LRP1B: variants seen among roughly 807,000 people sequenced by gnomAD.
The protein encoded by LRP1B is low-density lipoprotein receptor-related protein 1B.
In LRP1B, 217 loss-of-function variants were observed where a neutral mutation model predicts 556.6. The observed-to-expected ratio is 0.39, with a 90% confidence interval of 0.35 to 0.44. The LOEUF is 0.44. Ranked by LOEUF, LRP1B falls within the 20% of genes least tolerant of loss-of-function variation. LRP1B has a pLI of 1.00. For missense variants in LRP1B, 5,053 were observed against 5,620.8 expected (o/e 0.90, Z 3.23); for synonymous variants, 2,047 against 1,865.8 (o/e 1.10, Z -2.50).
At chr2:140,938,381 A>G (rs1695293009) in intron 20 of LRP1B, among the ~76,000 whole-genome samples, 1 of 152,074 alleles carries the variant, frequency 6.6e-6, no homozygotes, top group Non-Finnish European at 1.5e-5. Flanking sequence ...AGACAGACAG[A>G]CTTATTGTAA....
intron 35 of LRP1B, among the ~76,000 whole-genome samples, chr2:140,752,412 C>T (rs1347979162): frequency 1.3e-5 from 2 of 151,358 alleles, no homozygotes; most frequent in African/African-American, 2.4e-5. Context: ...GCAAACTTCA[C>T]CTCCCAGATT....
At position 141,701,517 on chromosome 2, in the gene LRP1B, C is replaced by T. The variant is rs370163792; in HGVS notation, c.205+108762G>A. On this transcript the variant is annotated intron_variant, in intron 2 of 90. Coordinates refer to ENST00000389484, the MANE Select transcript of LRP1B (RefSeq NM_018557.3). Reference sequence around the variant, plus strand: ...CAGCATATCTGGGTTCACATCTTGACGCCATTACTTATAATCTAGATGTCC... The same window carrying T: ...CAGCATATCTGGGTTCACATCTTGATGCCATTACTTATAATCTAGATGTCC... Among the ~76,000 whole-genome samples the T allele has an allele frequency of 1.5e-4, 23 of 151,822 alleles. No homozygotes were observed. The East Asian group carries it at 2.3e-3, about 15-fold the overall frequency.
intron 1 of LRP1B, among the ~76,000 whole-genome samples, chr2:142,064,093 C>G (rs185041479): frequency 6.6e-6 from 1 of 151,468 alleles, no homozygotes; most frequent in South Asian, 2.1e-4. Flanking sequence ...TCTAGTAAAT[C>G]CAAATTATTA....
At chr2:141,714,504 G>A (rs1216634087) in intron 2 of LRP1B, among the ~76,000 whole-genome samples, 1 of 138,654 alleles carries the variant, frequency 7.2e-6, no homozygotes, top group African/African-American at 2.7e-5. Context: ...GGTTTTGGAA[G>A]TTCATATTAA....
rs1218505627 is a variant in LRP1B at position 141,059,019 on chromosome 2, A to T, written c.1272T>A (p.Asp424Glu). 2.5e-6 allele frequency: 4 copies of T among 1,585,732 alleles called. No individual in the cohort carries two copies. The highest frequency in any genetic ancestry group is 3.4e-6 in the Non-Finnish European group (4 of 1,164,238). ...RHLYGITVFE[D>E]YLYATNSDNY... is the part of the protein sequence containing the mutation. ...TATCAGAATTGGTTGCATACAAATAATCTTCAAACACAGTTATACCATAAA... is the reference window on the plus strand; with the variant it reads ...TATCAGAATTGGTTGCATACAAATATTCTTCAAACACAGTTATACCATAAA... The change falls in exon 9 of 91, where the codon GAT (aspartate) becomes GAA (glutamate). Residue 424 changes from aspartate to glutamate, a missense_variant. Around this residue, in one of 5 missense-constraint regions of LRP1B, gnomAD observed 3,619 missense variants for 3,931.9 expected, o/e 0.92. Coordinates refer to ENST00000389484, the MANE Select transcript of LRP1B (RefSeq NM_018557.3).
chr2:140,396,491 C>T (rs966329970), intron 66 of LRP1B, among the ~76,000 whole-genome samples: 2 of 152,012 alleles, frequency 1.3e-5, no homozygotes, highest in Non-Finnish European at 2.9e-5. Flanking sequence ...AAGTTAAAGG[C>T]GGAACTTGAT....
chr2:141,121,676 A>C (rs1701052671), intron 7 of LRP1B, among the ~76,000 whole-genome samples: 1 of 152,188 alleles, frequency 6.6e-6, no homozygotes, highest in Non-Finnish European at 1.5e-5. Context: ...CATACTGCCC[A>C]AGGTAATTTA....
Position 140,379,947 on chromosome 2 carries a change from G to A in LRP1B, c.10532-1661C>T, listed in dbSNP as rs144571199. The stretch of plus-strand genomic sequence containing the variant: ...AAATTTCCCTTTTTGTTTATATAAG[G>A]TATTCACATAGATTATGCTTTAATC... On this transcript the variant is annotated intron_variant, in intron 67 of 90. Transcript: ENST00000389484. Among the ~76,000 whole-genome samples the A allele has an allele frequency of 3.8e-4, 58 of 151,924 alleles. 1 individual carries two copies. The highest frequency in any genetic ancestry group is 6.8e-3 in the Middle Eastern group (2 of 294).
chr2:140,301,137 T>G (rs1287564026), intron 83 of LRP1B, among the ~76,000 whole-genome samples: 1 of 152,128 alleles, frequency 6.6e-6, no homozygotes, highest in Non-Finnish European at 1.5e-5. Context: ...TTTTTAGACT[T>G]TGAAGAATGA....
chr2:142,047,201 T>A (rs181526506), intron 1 of LRP1B, among the ~76,000 whole-genome samples: 13 of 152,048 alleles, frequency 8.5e-5, no homozygotes, highest in Non-Finnish European at 1.6e-4. Context: ...CATGGTAGTA[T>A]ATGGAAATGG....
intron 2 of LRP1B, among the ~76,000 whole-genome samples, chr2:141,576,805 T>G (rs1686767876): frequency 6.8e-6 from 1 of 148,032 alleles, no homozygotes; most frequent in African/African-American, 2.5e-5. Flanking sequence ...ACATTAATAC[T>G]CAGGTCTTTT....
At chr2:140,897,924 A>C (rs1308879694) in intron 23 of LRP1B, among the ~76,000 whole-genome samples, 1 of 152,100 alleles carries the variant, frequency 6.6e-6, no homozygotes, top group African/African-American at 2.4e-5. Context: ...TGATTGTGTG[A>C]GTCTGTTCTC....
intron 50 of LRP1B, 119 bp from the exon 51 acceptor site, chr2:140,514,891 C>T (rs1689824329): frequency 1.1e-6 from 1 of 928,138 alleles, no homozygotes; most frequent in Non-Finnish European, 1.5e-6. Context: ...ATAAAAGAAG[C>T]CAACTTCTTC....
chr2:140,674,062 C>A (rs769951325), intron 41 of LRP1B, among the ~76,000 whole-genome samples: 8 of 151,782 alleles, frequency 5.3e-5, no homozygotes, highest in Non-Finnish European at 1.2e-4. Flanking sequence ...GATTCTCCTG[C>A]CTCAGCCCCC....
At chr2:141,221,724 T>C (rs1244322986) in intron 6 of LRP1B, among the ~76,000 whole-genome samples, 1 of 152,128 alleles carries the variant, frequency 6.6e-6, no homozygotes, top group African/African-American at 2.4e-5. Flanking sequence ...CATTACCAAC[T>C]GTATCTTAGA....
At chr2:140,356,576 G>A (rs2105131094) in intron 74 of LRP1B, 100 bp from the exon 75 acceptor site, 1 of 772,656 alleles carries the variant, frequency 1.3e-6, no homozygotes, top group African/African-American at 1.8e-5. Flanking sequence ...TTATTCCACA[G>A]ATAACTCTTT....
chr2:141,882,365 A>C (rs1383250978), intron 1 of LRP1B, among the ~76,000 whole-genome samples: 3 of 152,158 alleles, frequency 2.0e-5, no homozygotes. Context: ...TTACGACAAC[A>C]GAACATTAAA....
chr2:140,898,391 G>A (rs1453235865), intron 23 of LRP1B: 1 of 161,718 alleles, frequency 6.2e-6, no homozygotes, highest in Non-Finnish European at 1.3e-5. Context: ...TGGCAGCTGA[G>A]CCATAGCAGG....
At chr2:141,006,388 C>G (rs1232242840) in intron 14 of LRP1B, among the ~76,000 whole-genome samples, 1 of 152,008 alleles carries the variant, frequency 6.6e-6, no homozygotes, top group Non-Finnish European at 1.5e-5. Flanking sequence ...CTCCTCCTAT[C>G]TAGCTGTAAC....
Sources: allele counts gnomAD v4.1 joint callset (sites outside exome capture counted in the v4.1 genomes callset), GRCh38; gene constraint gnomAD v4.1.1; regional missense constraint gnomAD v4.1.1; transcripts MANE v1.5; gene names NCBI Gene and HGNC (gene_info 2026-07-23, HGNC 2026-07-21).